Variants in PTHLH observed in about 807,000 individuals in gnomAD.
PTHLH encodes the protein parathyroid hormone like hormone.
Under a neutral mutation model 18.6 loss-of-function variants are expected in PTHLH, and 5 were observed. That is an observed-to-expected ratio of 0.27 (90% CI 0.14 to 0.56). The LOEUF (loss-of-function observed/expected upper bound fraction) is 0.56, where lower values mean the gene tolerates loss of function less well. Ranked by LOEUF, PTHLH falls within the 20% of genes least tolerant of loss-of-function variation. The pLI, the probability that PTHLH is intolerant of heterozygous loss-of-function variation, is 0.92. For missense variants in PTHLH, 207 were observed against 223.9 expected (o/e 0.92, Z 0.48); for synonymous variants, 90 against 94.0 (o/e 0.96, Z 0.25).
At chr12:27,972,261 C>G (rs2062877180) in intron 1 of PTHLH, among the ~76,000 whole-genome samples, 1 of 152,134 alleles carries the variant, frequency 6.6e-6, no homozygotes, top group South Asian at 2.1e-4. Context: ...ACTTTACTTT[C>G]AGAACATTAT....
intron 5 of PTHLH, chr12:27,962,489 T>A: frequency 5.2e-6 from 5 of 960,740 alleles, no homozygotes; most frequent in Non-Finnish European, 6.2e-6. Context: ...TGAACTTAAA[T>A]AAATTCAGAC....
chr12:27,967,000 G>A (rs1363404783), intron 4 of PTHLH, among the ~76,000 whole-genome samples: 1 of 152,234 alleles, frequency 6.6e-6, no homozygotes, highest in Non-Finnish European at 1.5e-5. Context: ...GACAGGGTTA[G>A]GGTGTTAGAG....
intron 2 of PTHLH, among the ~76,000 whole-genome samples, chr12:27,971,044 T>G (rs1339369866): frequency 6.6e-6 from 1 of 152,072 alleles, no homozygotes; most frequent in Non-Finnish European, 1.5e-5. Context: ...ATCCCCCTTT[T>G]GAATTGCAGA....
intron 2 of PTHLH, among the ~76,000 whole-genome samples, chr12:27,971,089 C>T (rs989656483): frequency 6.6e-6 from 1 of 151,990 alleles, no homozygotes; most frequent in Non-Finnish European, 1.5e-5. Context: ...GCACACGGCC[C>T]TTTTCACTCA....
Position 27,963,731 on chromosome 12 carries a change from C to T in PTHLH, c.141G>A (p.Lys47=), listed in dbSNP as rs753851601. 1.9e-6 allele frequency: 3 copies of T among 1,613,766 alleles called. No homozygotes were observed. In the Admixed American group the frequency reaches 5.0e-5, roughly 27 times the overall value. The change falls in exon 5 of 6, where the codon AAG becomes AAA. Residue 47 remains lysine, a synonymous_variant. Transcript: ENST00000545234. The stretch of plus-strand genomic sequence containing the variant: ...GCCGTAAATCTTGGATGGACTTCCC[C>T]TTGTCATGGAGGAGCTGATGTTCAG... ...AVSEHQLLHD[K]GKSIQDLRRR... is the part of the protein sequence containing the mutation.
intron 4 of PTHLH, 149 bp downstream of exon 4, chr12:27,969,245 A>G (rs2062844693): frequency 1.4e-6 from 1 of 722,008 alleles, no homozygotes; most frequent in Non-Finnish European, 2.3e-6. Context: ...ACCCGGGCTC[A>G]GGCCCCGGCA....
intron 5 of PTHLH, chr12:27,962,237 T>C (rs1326989591): frequency 6.7e-6 from 2 of 297,260 alleles, no homozygotes; most frequent in Non-Finnish European, 1.2e-5. Flanking sequence ...CCCCCCTAGA[T>C]AGATAGATAG....
rs1326413852 is a variant in PTHLH at position 27,962,235 on chromosome 12, G to GATAT, written c.524+1112_524+1113insATAT. On this transcript the variant is annotated intron_variant, in intron 5 of 5. Coordinates refer to ENST00000545234, the MANE Select transcript of PTHLH (RefSeq NM_198965.2). Reference sequence around the variant, plus strand: ...TGCCTCATAGAAACATACCCCCCTAGATAGATAGATAGATAGATAGATAGA... The same window carrying GATAT: ...TGCCTCATAGAAACATACCCCCCTAGATATATAGATAGATAGATAGATAGATAGA... 1.8e-5 allele frequency: 5 copies of GATAT among 281,780 alleles called. No homozygotes were observed. In the South Asian group the frequency reaches 5.3e-4, roughly 30 times the overall value. The allele number at this position is 281,780 out of a possible 1,614,324, so 17.5% of individuals were successfully genotyped here.
Position 27,971,999 on chromosome 12 carries a change from G to A in PTHLH, c.-338C>T, listed in dbSNP as rs1269183413. 1.7e-5 allele frequency: 2 copies of A among 120,318 alleles called. No individual in the cohort carries two copies. The highest frequency in any genetic ancestry group is 3.3e-5 in the Non-Finnish European group (2 of 61,334). 7.5% of individuals were successfully genotyped at this position (120,318 alleles called of 1,614,324 possible). ...AAGATGCAGGAGCCCTAATGTAATC[G>A]TTAGATCTGAAGGGGGAAATCTGTA... is the stretch of plus-strand genomic sequence containing the variant. On this transcript the variant is annotated 5_prime_UTR_variant, in exon 2 of 6. The change creates a new upstream start codon in the 5' untranslated region. Transcript: ENST00000545234.
Position 27,969,525 on chromosome 12 carries a change from GA to G in PTHLH, c.-22-10del. On this transcript the variant is annotated splice_polypyrimidine_tract_variant and intron_variant, in intron 3 of 5. Coordinates refer to ENST00000545234, the MANE Select transcript of PTHLH (RefSeq NM_198965.2). ...CCGCTCGCGCTCGGGACCTGCAACA[GA>G]AGGGAATGGGACCCGAGTGTCAGTC... The G allele has an allele frequency of 6.5e-7, 1 of 1,545,764 alleles. No homozygotes were observed.
chr12:27,966,370 G>A (rs2062813489), intron 4 of PTHLH, among the ~76,000 whole-genome samples: 1 of 152,184 alleles, frequency 6.6e-6, no homozygotes, highest in Non-Finnish European at 1.5e-5. Flanking sequence ...ATGCTAAATT[G>A]GAAATGCTGT....
intron 5 of PTHLH, chr12:27,962,039 C>A: frequency 1.6e-6 from 1 of 632,280 alleles, no homozygotes; most frequent in Non-Finnish European, 2.8e-6. Flanking sequence ...AATGGAAATG[C>A]ATCGATAAAG....
intron 5 of PTHLH, 152 bp from the exon 6 acceptor site, chr12:27,958,720 T>C: frequency 2.9e-6 from 2 of 690,872 alleles, no homozygotes; most frequent in Non-Finnish European, 4.6e-6. Context: ...CTGCAAGAGG[T>C]ATCTGTGGGA....
chr12:27,960,227 T>C (rs936116960), intron 5 of PTHLH, among the ~76,000 whole-genome samples: 3 of 152,230 alleles, frequency 2.0e-5, no homozygotes, highest in African/African-American at 7.2e-5. Flanking sequence ...TACTATGGAC[T>C]TTTAATATTT....
chr12:27,970,384 G>C (rs976911053), intron 2 of PTHLH, 117 bp from the exon 3 acceptor site: 1 of 147,964 alleles, frequency 6.8e-6, no homozygotes, highest in Non-Finnish European at 1.5e-5. Context: ...GGCGACGGGC[G>C]GCCCGAACGG....
chr12:27,970,591 C>A (rs2062863015), intron 2 of PTHLH, among the ~76,000 whole-genome samples: 1 of 151,904 alleles, frequency 6.6e-6, no homozygotes, highest in Non-Finnish European at 1.5e-5. Context: ...CAGGCCCGGC[C>A]GGCTCCTGCC....
intron 2 of PTHLH, 197 bp from the exon 3 acceptor site, chr12:27,970,464 C>G (rs2062860735): frequency 6.6e-6 from 1 of 151,136 alleles, no homozygotes; most frequent in Non-Finnish European, 1.5e-5. Flanking sequence ...CGGAGCTCCC[C>G]CCTCCCGCGC....
intron 5 of PTHLH, chr12:27,962,014 A>C (rs1565520669): frequency 1.5e-6 from 1 of 668,168 alleles, no homozygotes; most frequent in Non-Finnish European, 2.7e-6. Flanking sequence ...AGTGAAAAGA[A>C]AAAAAAATCA....
Position 27,962,950 on chromosome 12 carries a change from G to C in PTHLH, c.524+398C>G, listed in dbSNP as rs6247. ...ATATTCTCCCTTGAAGTGAAAGAACGTAAGAAATGAAAAACACTGAAGAAA... is the reference window on the plus strand; with the variant it reads ...ATATTCTCCCTTGAAGTGAAAGAACCTAAGAAATGAAAAACACTGAAGAAA... On this transcript the variant is annotated intron_variant, in intron 5 of 5. Transcript: ENST00000545234. The C allele has an allele frequency of 3.2e-5, 36 of 1,112,340 alleles. No individual in the cohort carries two copies. The African/African-American group carries it at 4.5e-4, about 14-fold the overall frequency. 68.9% of individuals were successfully genotyped at this position (1,112,340 alleles called of 1,614,324 possible).
Sources: allele counts gnomAD v4.1 joint callset (sites outside exome capture counted in the v4.1 genomes callset), GRCh38; gene constraint gnomAD v4.1.1; transcripts MANE v1.5; gene names NCBI Gene and HGNC (gene_info 2026-07-23, HGNC 2026-07-21).